ATF6B: variants seen among roughly 807,000 people sequenced by gnomAD.
ATF6B encodes cyclic AMP-dependent transcription factor ATF-6 beta.
In ATF6B, 50 loss-of-function variants were observed where a neutral mutation model predicts 83.5. The observed-to-expected ratio is 0.60, with a 90% CI of 0.48 to 0.76. ATF6B has a LOEUF of 0.76. ATF6B is among the 30% of genes least tolerant of loss of function. ATF6B has a pLI of 0.00. For missense variants in ATF6B, 790 were observed against 893.8 expected (o/e 0.88, Z 1.48); for synonymous variants, 344 against 362.8 (o/e 0.95, Z 0.59).
In ATF6B at chr6:32,127,454, G is replaced by A; in HGVS notation, c.238C>T (p.Pro80Ser). ...AAGACTACCTTACCTGGGAAGATCG[G>A]CAGGAGTTCCCATGGGGGCTCAGAG... ...SPSEPPWELL[P>S]IFPDLQVKSE... Residue 80 changes from proline (P) to serine (S), a missense_variant, in exon 3 of 18, where the codon CCG (proline) becomes TCG (serine). By Grantham distance (74) the Pro-to-Ser change is moderately conservative. Around this residue, in one of 3 missense-constraint regions of ATF6B, gnomAD observed 253 missense variants for 243.1 expected, o/e 1.04. Transcript: ENST00000375203. 1 of 1,612,234 alleles carries A rather than the reference G, an allele frequency of 6.2e-7. No homozygotes were observed. Among genetic ancestry groups the A allele is most frequent in the Non-Finnish European group, 8.5e-7 (1 of 1,178,836 alleles).
In ATF6B at chr6:32,115,731, G is replaced by C; in HGVS notation, c.*8C>G. On this transcript the variant is annotated 3_prime_UTR_variant, in exon 18 of 18. Coordinates refer to ENST00000375203, the MANE Select transcript of ATF6B (RefSeq NM_004381.5). ...CCCCCCGTTCTAAGTCAGTGTGAAT[G>C]GCAGAGGTCAGGGATGATTGAGGTA... is the stretch of plus-strand genomic sequence containing the variant. 6.3e-7 allele frequency: 1 copy of C among 1,576,718 alleles called. No individual in the cohort carries two copies.
In ATF6B at chr6:32,127,686, C is replaced by T. The variant is rs1490125469; in HGVS notation, c.156G>A (p.Pro52=). 1 of 1,614,196 alleles carries T rather than the reference C, an allele frequency of 6.2e-7. No individual in the cohort carries two copies. The highest frequency in any genetic ancestry group is 1.1e-5 in the South Asian group (1 of 91,088). The change falls in exon 2 of 18, where the codon CCG becomes CCA. Residue 52 remains proline (P), a synonymous_variant. Coordinates refer to ENST00000375203, the MANE Select transcript of ATF6B (RefSeq NM_004381.5). ...GACACAATACCGGGACATCCTGCTC[C>T]GGGCAACGGAAGAGCTGCGTCTGCT... ...AEEQTQLFRC[P]EQDVPFDGSS... is the part of the protein sequence containing the mutation.
Position 32,121,333 on chromosome 6 carries a change from A to G in ATF6B, c.494T>C (p.Ile165Thr), listed in dbSNP as rs777754847. 8.7e-6 allele frequency: 14 copies of G among 1,613,910 alleles called. No homozygotes were observed. The highest frequency in any genetic ancestry group is 8.0e-5 in the African/African-American group (6 of 74,914). ...SDDSSDVQTK[I>T]EPVSPCSSVN... ...GGAAGAACATGGAGAGACAGGTTCT[A>G]TCTTGGTCTGGACATCTGTGGGAGG... is the stretch of plus-strand genomic sequence containing the variant. The change falls in exon 6 of 18, where the codon ATA becomes ACA. Residue 165 changes from isoleucine (I) to threonine (T), a missense_variant. Transcript: ENST00000375203.
At position 32,127,533 on chromosome 6, in the gene ATF6B, G is replaced by A. The variant is rs371947983; in HGVS notation, c.172-13C>T. 35 of 1,612,196 alleles carry A rather than the reference G, an allele frequency of 2.2e-5. No homozygotes were observed. In the African/African-American group the frequency reaches 4.4e-4, roughly 20 times the overall value. ...AGCTGCCGTCAAACTAAATAAGGGA[G>A]GATACAAGAGGGCAGGAGTGTGAGA... is the stretch of plus-strand genomic sequence containing the variant. On this transcript the variant is annotated splice_polypyrimidine_tract_variant and intron_variant, in intron 2 of 17. Transcript: ENST00000375203.
At chr6:32,121,432 G>A in intron 5 of ATF6B, 84 bp from the exon 6 acceptor site, 2 of 1,349,544 alleles carry the variant, frequency 1.5e-6, no homozygotes, top group Admixed American at 1.9e-5. Context: ...GCTGGGCATG[G>A]TGGCTCACGC....
chr6:32,117,419 G>A lies in ATF6B; in HGVS notation c.1533-15C>T. 1 of 1,613,686 alleles carries A rather than the reference G, an allele frequency of 6.2e-7. No individual in the cohort carries two copies. The highest frequency in any genetic ancestry group is 8.5e-7 in the Non-Finnish European group (1 of 1,179,822). On this transcript the variant is annotated splice_polypyrimidine_tract_variant and intron_variant, in intron 13 of 17. Coordinates refer to ENST00000375203, the MANE Select transcript of ATF6B (RefSeq NM_004381.5). This position sits in a 1 kb window ranked among gnomAD's most constrained non-coding sequence, Gnocchi z 5.0. ...CGTCAGCAAGCCTGGGGAAATGGAG[G>A]AGCTCAGGACCTCCATGCCAGGCCA...
chr6:32,125,586 C>A lies in ATF6B; in HGVS notation c.478+531G>T, dbSNP rs143209442. 6.6e-6 allele frequency among the ~76,000 whole-genome samples: 1 copy of A among 151,968 alleles called. No individual in the cohort carries two copies. Among genetic ancestry groups the A allele is most frequent in the Non-Finnish European group, 1.5e-5 (1 of 68,008 alleles). On this transcript the variant is annotated intron_variant, in intron 5 of 17. Transcript: ENST00000375203. The surrounding 1 kb of genome is among the most constrained non-coding windows in gnomAD (Gnocchi z 4.1). Reference sequence around the variant, plus strand: ...ACCAGCCTGGCCAACATGGTGAAACCCCATCTCTACTAAAAATACAAAAAA... The same window carrying A: ...ACCAGCCTGGCCAACATGGTGAAACACCATCTCTACTAAAAATACAAAAAA...
Position 32,119,142 on chromosome 6 carries a change from C to T in ATF6B, c.967-1G>A. On this transcript the variant is annotated splice_acceptor_variant, in intron 9 of 17. Coordinates refer to ENST00000375203, the MANE Select transcript of ATF6B (RefSeq NM_004381.5). LOFTEE classifies it high-confidence loss of function. This position sits in a 1 kb window ranked among gnomAD's most constrained non-coding sequence, Gnocchi z 4.9. The stretch of plus-strand genomic sequence containing the variant: ...GCTGCTGCCGCTTCAGCAGCTTTGC[C>T]TAGGCACCCGGAAGGTCAAAAAAGA... The T allele has an allele frequency of 6.2e-7, 1 of 1,608,770 alleles. No individual in the cohort carries two copies. Among genetic ancestry groups the T allele is most frequent in the Non-Finnish European group, 8.5e-7 (1 of 1,178,750 alleles).
In ATF6B at chr6:32,117,819, T is replaced by C; in HGVS notation, c.1424+40A>G. 3 of 1,559,580 alleles carry C rather than the reference T, an allele frequency of 1.9e-6. No homozygotes were observed. Among genetic ancestry groups the C allele is most frequent in the Non-Finnish European group, 2.6e-6 (3 of 1,154,362 alleles). On this transcript the variant is annotated intron_variant, in intron 12 of 17. Transcript: ENST00000375203. The surrounding 1 kb of genome is among the most constrained non-coding windows in gnomAD (Gnocchi z 5.0). Reference sequence around the variant, plus strand: ...TGAAAGCGGGGAGAAGACCAACTCATACCCTCAAACGAGAGGGGGCCCTCT... The same window carrying C: ...TGAAAGCGGGGAGAAGACCAACTCACACCCTCAAACGAGAGGGGGCCCTCT...
At position 32,115,752 on chromosome 6, in the gene ATF6B, A is replaced by T; in HGVS notation, c.2099T>A (p.Leu700His). ...GAATGGCAGAGGTCAGGGATGATTGAGGTAGAGGGGCTGGTGGGAGGCCTG... is the reference window on the plus strand; with the variant it reads ...GAATGGCAGAGGTCAGGGATGATTGTGGTAGAGGGGCTGGTGGGAGGCCTG... ...AHQASHQPLY[L>H]NHP The change falls in exon 18 of 18, where the codon CTC (leucine) becomes CAC (histidine). Residue 700 changes from leucine (L) to histidine (H), a missense_variant. Around this residue, in one of 3 missense-constraint regions of ATF6B, gnomAD observed 530 missense variants for 632.6 expected, o/e 0.84. Transcript: ENST00000375203. The T allele has an allele frequency of 1.2e-6, 2 of 1,602,012 alleles. No individual in the cohort carries two copies. Among genetic ancestry groups the T allele is most frequent in the Non-Finnish European group, 1.7e-6 (2 of 1,173,792 alleles).
At chr6:32,124,634 C>A (rs937171931) in intron 5 of ATF6B, among the ~76,000 whole-genome samples, 2 of 152,176 alleles carry the variant, frequency 1.3e-5, no homozygotes, top group Non-Finnish European at 2.9e-5. Context: ...CCTGTAGCCC[C>A]TGCAGTTCCA....
Position 32,115,857 on chromosome 6 carries a change from G to A in ATF6B, c.1994C>T (p.Ser665Leu), listed in dbSNP as rs372075542. Residue 665 changes from serine to leucine, a missense_variant, in exon 18 of 18, where the codon TCG (serine) becomes TTG (leucine). Transcript: ENST00000375203. Reference sequence around the variant, plus strand: ...GGTTGGGGATGGCTGTTTTCGGAGCGAGGGGGGCACTGTGGAGGTCTTGAT... The same window carrying A: ...GGTTGGGGATGGCTGTTTTCGGAGCAAGGGGGGCACTGTGGAGGTCTTGAT... ...IHIKTSTVPPSLRKQPSPTPG... is the reference protein window; with the variant it reads ...IHIKTSTVPPLLRKQPSPTPG... The A allele has an allele frequency of 2.8e-5, 45 of 1,614,058 alleles. No individual in the cohort carries two copies. Among genetic ancestry groups the A allele is most frequent in the Admixed American group, 5.0e-5 (3 of 60,014 alleles).
Position 32,119,036 on chromosome 6 carries a change from GCAGCCGA to G in ATF6B, c.1065_1071del (p.Arg356LysfsTer33). The G allele has an allele frequency of 6.2e-7, 1 of 1,614,130 alleles. No individual in the cohort carries two copies. The highest frequency in any genetic ancestry group is 8.5e-7 in the Non-Finnish European group (1 of 1,180,020). ...TGCTGGTTGTCAGCCAGTACTGCTT[GCAGCCGA>G]GCCTCCAGTCCCTGCAGATACTCTT... On this transcript the variant is annotated frameshift_variant, in exon 10 of 18. Transcript: ENST00000375203. LOFTEE classifies it high-confidence loss of function. The surrounding 1 kb of genome is among the most constrained non-coding windows in gnomAD (Gnocchi z 4.9).
Position 32,119,027 on chromosome 6 carries a change from G to A in ATF6B, c.1081C>T (p.Leu361=). 6.2e-7 allele frequency: 1 copy of A among 1,614,192 alleles called. No individual in the cohort carries two copies. The highest frequency in any genetic ancestry group is 8.5e-7 in the Non-Finnish European group (1 of 1,180,042). ...QGLEARLQAV[L]ADNQQLRREN... ...CGGCGGAGCTGCTGGTTGTCAGCCAGTACTGCTTGCAGCCGAGCCTCCAGT... is the reference window on the plus strand; with the variant it reads ...CGGCGGAGCTGCTGGTTGTCAGCCAATACTGCTTGCAGCCGAGCCTCCAGT... The change falls in exon 10 of 18, where the codon CTG becomes TTG. Residue 361 remains leucine, a synonymous_variant. Transcript: ENST00000375203. This position sits in a 1 kb window ranked among gnomAD's most constrained non-coding sequence, Gnocchi z 4.9.
rs778902783 is a variant in ATF6B, at chr6:32,128,204, C to T, written c.4G>A (p.Ala2Thr). The change falls in exon 1 of 18, where the codon GCG becomes ACG. Residue 2 changes from alanine to threonine, a missense_variant. Physicochemically the swap from Ala to Thr is moderately conservative, Grantham distance 58 (BLOSUM62 0). Transcript: ENST00000375203. M[A>T]ELMLLSEIAD... is the part of the protein sequence containing the mutation. ...ATCTCGCTGAGCAGCATCAGCTCCG[C>T]CATCTTTCCCCCCCACCCCCCAACC... 2.5e-6 allele frequency: 4 copies of T among 1,611,460 alleles called. No individual in the cohort carries two copies. The highest frequency in any genetic ancestry group is 2.2e-5 in the East Asian group (1 of 44,818).
At chr6:32,127,420 G>A (rs745486660) in intron 3 of ATF6B, 22 bp downstream of exon 3, 4 of 1,596,608 alleles carry the variant, frequency 2.5e-6, no homozygotes, top group East Asian at 2.2e-5. Context: ...GAAATCTGAG[G>A]GAACGACAAA....
Position 32,128,228 on chromosome 6 carries a change from C to G in ATF6B, c.-21G>C, listed in dbSNP as rs1257873891. On this transcript the variant is annotated 5_prime_UTR_variant, in exon 1 of 18. Transcript: ENST00000375203. The stretch of plus-strand genomic sequence containing the variant: ...GCCATCTTTCCCCCCCACCCCCCAA[C>G]CAGGAGACGGTTCCCAAGGCCCGCC... 6.3e-7 allele frequency: 1 copy of G among 1,593,982 alleles called. No individual in the cohort carries two copies. Among genetic ancestry groups the G allele is most frequent in the Admixed American group, 1.7e-5 (1 of 58,512 alleles).
In ATF6B at chr6:32,119,127, C is replaced by T. The variant is rs1352786782; in HGVS notation, c.981G>A (p.Lys327=). 3 of 1,610,800 alleles carry T rather than the reference C, an allele frequency of 1.9e-6. No individual in the cohort carries two copies. The highest frequency in any genetic ancestry group is 2.5e-6 in the Non-Finnish European group (3 of 1,179,434). Residue 327 remains lysine, a synonymous_variant, in exon 10 of 18, where the codon AAG becomes AAA. Transcript: ENST00000375203. This position sits in a 1 kb window ranked among gnomAD's most constrained non-coding sequence, Gnocchi z 4.9. ...GGTTCTTGATCATTCGCTGCTGCCGCTTCAGCAGCTTTGCCTAGGCACCCG... is the reference window on the plus strand; with the variant it reads ...GGTTCTTGATCATTCGCTGCTGCCGTTTCAGCAGCTTTGCCTAGGCACCCG... ...CPPEVDAKLL[K]RQQRMIKNRE...
intron 5 of ATF6B, among the ~76,000 whole-genome samples, chr6:32,124,850 A>AT (rs758712011): frequency 2.5e-3 from 353 of 143,196 alleles, no homozygotes; most frequent in Middle Eastern, 0.011. Context: ...CCCTCTAGTG[A>AT]TTTTTTTTTT....
Sources: allele counts gnomAD v4.1 joint callset (sites outside exome capture counted in the v4.1 genomes callset), GRCh38; gene constraint gnomAD v4.1.1; regional missense constraint gnomAD v4.1.1; non-coding constraint Gnocchi (gnomAD v3.1); transcripts MANE v1.5; gene names NCBI Gene and HGNC (gene_info 2026-07-23, HGNC 2026-07-21).